FHIP1A: variants seen among roughly 807,000 people sequenced by gnomAD.
FHIP1A encodes the protein FHF complex subunit HOOK interacting protein 1A.
A neutral mutation model predicts 88.6 loss-of-function variants in FHIP1A; 61 were observed. That is an observed-to-expected ratio of 0.69 (90% CI 0.56 to 0.85). The LOEUF (loss-of-function observed/expected upper bound fraction) is 0.85, where lower values mean the gene tolerates loss of function less well. FHIP1A is among the 40% of genes least tolerant of loss of function. FHIP1A has a pLI of 0.00. For synonymous variants in FHIP1A, 478 were observed against 496.0 expected (o/e 0.96, Z 0.48); for missense variants, 1,154 against 1,273.5 (o/e 0.91, Z 1.43).
intron 2 of FHIP1A, among the ~76,000 whole-genome samples, chr4:151,473,950 A>G (rs1729613376): frequency 6.6e-6 from 1 of 152,190 alleles, no homozygotes; most frequent in African/African-American, 2.4e-5. Context: ...CTACCAGTGA[A>G]ACTGAAAGGT....
rs1280085043 is a variant in FHIP1A at position 151,656,016 on chromosome 4, T to TA, written c.2552-215dup. ...ACTGCTCATGGAGTGAAAATGTCAG[T>TA]AGCCATGCCTATTTTTCTGTTTTCT... On this transcript the variant is annotated intron_variant, in intron 11 of 13. Coordinates refer to ENST00000435205, the MANE Select transcript of FHIP1A (RefSeq NM_001109977.3). The surrounding 1 kb of genome is among the most constrained non-coding windows in gnomAD (Gnocchi z 4.2). Among the ~76,000 whole-genome samples, 1 of 152,186 alleles carries TA rather than the reference T, an allele frequency of 6.6e-6. No individual in the cohort carries two copies. Among genetic ancestry groups the TA allele is most frequent in the Non-Finnish European group, 1.5e-5 (1 of 68,028 alleles).
intron 7 of FHIP1A, among the ~76,000 whole-genome samples, chr4:151,607,496 T>C (rs950709167): frequency 4.6e-5 from 7 of 152,230 alleles, no homozygotes; most frequent in Admixed American, 1.3e-4. Context: ...AGGCTTTGAC[T>C]TGGGAATTCT....
At chr4:151,465,992 A>G (rs1195975434) in intron 2 of FHIP1A, among the ~76,000 whole-genome samples, 1 of 151,726 alleles carries the variant, frequency 6.6e-6, no homozygotes, top group Non-Finnish European at 1.5e-5. Context: ...CACCACTCCT[A>G]TTCAACATAG....
chr4:151,469,828 T>C (rs1729448168), intron 2 of FHIP1A, among the ~76,000 whole-genome samples: 1 of 152,210 alleles, frequency 6.6e-6, no homozygotes, highest in Non-Finnish European at 1.5e-5. Flanking sequence ...TTCAATCATA[T>C]ATTTTAGGAT....
At chr4:151,497,642 A>G (rs1580634892) in intron 3 of FHIP1A, among the ~76,000 whole-genome samples, 1 of 152,216 alleles carries the variant, frequency 6.6e-6, no homozygotes, top group African/African-American at 2.4e-5. Flanking sequence ...GTGTGTGCAC[A>G]TGCACACACA....
At chr4:151,468,722 G>A (rs1729410854) in intron 2 of FHIP1A, among the ~76,000 whole-genome samples, 1 of 152,174 alleles carries the variant, frequency 6.6e-6, no homozygotes, top group Non-Finnish European at 1.5e-5. Context: ...CAAAGGAAGT[G>A]ATTTTCTGCT....
chr4:151,536,429 TAA>T, intron 3 of FHIP1A, among the ~76,000 whole-genome samples: 1 of 152,300 alleles, frequency 6.6e-6, no homozygotes, highest in African/African-American at 2.4e-5. Flanking sequence ...TGCCCTCTTA[TAA>T]TCACACCACT....
chr4:151,410,494 A>C (rs1732583172), intron 1 of FHIP1A, among the ~76,000 whole-genome samples: 1 of 152,268 alleles, frequency 6.6e-6, no homozygotes. Flanking sequence ...TGATGAAATT[A>C]TATAGGTCAT....
intron 3 of FHIP1A, among the ~76,000 whole-genome samples, chr4:151,509,989 C>T (rs956719806): frequency 6.6e-6 from 1 of 152,142 alleles, no homozygotes; most frequent in African/African-American, 2.4e-5. Flanking sequence ...GGGTTGGAAA[C>T]TGGAAGGAGA....
chr4:151,455,567 C>T (rs1028898125), intron 2 of FHIP1A, among the ~76,000 whole-genome samples: 2 of 152,132 alleles, frequency 1.3e-5, no homozygotes, highest in African/African-American at 4.8e-5. Flanking sequence ...GAGGTGTGGC[C>T]CACCCCCCAG....
At chr4:151,447,148 C>T (rs935730303) in intron 1 of FHIP1A, among the ~76,000 whole-genome samples, 1 of 152,012 alleles carries the variant, frequency 6.6e-6, no homozygotes, top group African/African-American at 2.4e-5. Context: ...CGTATTTCAC[C>T]ACATTAGTAA....
intron 4 of FHIP1A, 122 bp downstream of exon 4, chr4:151,566,486 A>G (rs1311193205): frequency 9.6e-6 from 6 of 626,170 alleles, no homozygotes; most frequent in South Asian, 3.9e-5. Flanking sequence ...AGGGAGGGAA[A>G]CTCTTTCAGA....
At chr4:151,538,182 G>T (rs1732142336) in intron 3 of FHIP1A, among the ~76,000 whole-genome samples, 1 of 152,044 alleles carries the variant, frequency 6.6e-6, no homozygotes, top group Non-Finnish European at 1.5e-5. Context: ...CTCATGGCCT[G>T]GTTTTTCATC....
intron 2 of FHIP1A, among the ~76,000 whole-genome samples, chr4:151,477,278 G>A (rs1729742719): frequency 1.3e-5 from 2 of 152,164 alleles, no homozygotes; most frequent in Non-Finnish European, 2.9e-5. Context: ...GTCGGGTAAA[G>A]TTGCTCAGTT....
intron 1 of FHIP1A, among the ~76,000 whole-genome samples, chr4:151,428,371 C>T (rs1733464558): frequency 6.6e-6 from 1 of 152,126 alleles, no homozygotes; most frequent in East Asian, 1.9e-4. Context: ...AAAACCAAAG[C>T]ATTATCTCTA....
At chr4:151,491,419 C>T (rs1415501573) in intron 3 of FHIP1A, among the ~76,000 whole-genome samples, 1 of 152,136 alleles carries the variant, frequency 6.6e-6, no homozygotes, top group Non-Finnish European at 1.5e-5. Context: ...GAGAGATAAA[C>T]TCTTTTTCAG....
intron 3 of FHIP1A, among the ~76,000 whole-genome samples, chr4:151,492,169 A>G (rs1017547871): frequency 2.0e-5 from 3 of 152,216 alleles, no homozygotes; most frequent in Non-Finnish European, 4.4e-5. Context: ...AGATATTTAC[A>G]GAACATTCCA....
At chr4:151,616,973 C>T (rs1735560336) in intron 7 of FHIP1A, among the ~76,000 whole-genome samples, 1 of 152,074 alleles carries the variant, frequency 6.6e-6, no homozygotes, top group South Asian at 2.1e-4. Context: ...GCCTTGAACT[C>T]CTGACCTCAA....
At chr4:151,493,199 C>G (rs1361579599) in intron 3 of FHIP1A, among the ~76,000 whole-genome samples, 2 of 152,082 alleles carry the variant, frequency 1.3e-5, no homozygotes, top group Non-Finnish European at 2.9e-5. Context: ...CTATGAACAC[C>G]TTTATGGCTA....
Sources: gnomAD v4.1 joint callset for allele counts (sites outside exome capture counted in the v4.1 genomes callset) on GRCh38, gnomAD v4.1.1 for gene constraint, Gnocchi (gnomAD v3.1) non-coding constraint, MANE v1.5 for transcripts, NCBI Gene and HGNC (gene_info 2026-07-23, HGNC 2026-07-21) for gene names.